The following DCAF12 variants were observed in gnomAD, a reference collection of about 807,000 sequenced individuals.
DCAF12 encodes the protein DDB1 and CUL4 associated factor 12.
Under a neutral mutation model 52.8 loss-of-function variants are expected in DCAF12, and 28 were observed. That is an observed-to-expected ratio of 0.53 (90% confidence interval 0.39 to 0.73). DCAF12 has a LOEUF of 0.73. DCAF12 is among the 30% of genes least tolerant of loss of function. The pLI is 0.00. For missense variants in DCAF12, 425 were observed against 552.2 expected (o/e 0.77, Z 2.31); for synonymous variants, 196 against 215.5 (o/e 0.91, Z 0.79).
intron 6 of DCAF12, among the ~76,000 whole-genome samples, chr9:34,094,336 G>A (rs1247361657): frequency 6.6e-6 from 1 of 151,834 alleles, no homozygotes; most frequent in African/African-American, 2.4e-5. Context: ...AACCTGGGAG[G>A]CGGAGGTTGC....
intron 4 of DCAF12, among the ~76,000 whole-genome samples, chr9:34,098,855 A>G (rs887390136): frequency 3.4e-5 from 5 of 147,614 alleles, no homozygotes; most frequent in Non-Finnish European, 6.0e-5. Context: ...TGCAACCTCC[A>G]TCTCCTGGGT....
At chr9:34,120,302 C>T (rs903738561) in intron 2 of DCAF12, among the ~76,000 whole-genome samples, 3 of 150,348 alleles carry the variant, frequency 2.0e-5, no homozygotes, top group Non-Finnish European at 4.4e-5. Context: ...ATCCCTTGGG[C>T]CCAGGAATTT....
intron 7 of DCAF12, among the ~76,000 whole-genome samples, chr9:34,091,875 G>A (rs1828650587): frequency 6.6e-6 from 1 of 152,134 alleles, no homozygotes; most frequent in African/African-American, 2.4e-5. Context: ...CTGGTCCCTA[G>A]CTGTTCCCCC....
intron 4 of DCAF12, among the ~76,000 whole-genome samples, chr9:34,099,964 G>A (rs1336194724): frequency 6.6e-6 from 1 of 152,156 alleles, no homozygotes; most frequent in African/African-American, 2.4e-5. Flanking sequence ...TTAGTGGGCA[G>A]TAGGGCTTGG....
At chr9:34,095,115 G>GC (rs1401589642) in intron 6 of DCAF12, among the ~76,000 whole-genome samples, 5 of 150,814 alleles carry the variant, frequency 3.3e-5, no homozygotes, top group Non-Finnish European at 7.4e-5. Context: ...TTGCTCTGTT[G>GC]CCAGGCTGGA....
At chr9:34,119,636 A>C (rs560667967) in intron 2 of DCAF12, among the ~76,000 whole-genome samples, 2 of 151,860 alleles carry the variant, frequency 1.3e-5, no homozygotes, top group East Asian at 3.9e-4. Flanking sequence ...TCAGGTGTGA[A>C]CATTTTAGGC....
chr9:34,106,641 C>A, intron 3 of DCAF12, 147 bp from the exon 4 acceptor site: 1 of 623,902 alleles, frequency 1.6e-6, no homozygotes, highest in Non-Finnish European at 2.8e-6. Flanking sequence ...GGTCTCAACC[C>A]ACAGAGAATG....
chr9:34,110,188 G>A (rs1175230458), intron 2 of DCAF12, among the ~76,000 whole-genome samples: 1 of 151,990 alleles, frequency 6.6e-6, no homozygotes, highest in Non-Finnish European at 1.5e-5. Flanking sequence ...TGCCTAACTG[G>A]CATCATTGCT....
chr9:34,099,172 ATTC>A (rs1828788182), intron 4 of DCAF12, among the ~76,000 whole-genome samples: 1 of 151,656 alleles, frequency 6.6e-6, no homozygotes, highest in African/African-American at 2.4e-5. Flanking sequence ...GGTTCTAGCG[ATTC>A]TCCTGCCTCA....
At chr9:34,113,950 TAC>T (rs1829045730) in intron 2 of DCAF12, among the ~76,000 whole-genome samples, 1 of 151,272 alleles carries the variant, frequency 6.6e-6, no homozygotes, top group African/African-American at 2.4e-5. Context: ...CTACTAAAAA[TAC>T]AAAAAATTAG....
At position 34,098,466 on chromosome 9, in the gene DCAF12, G is replaced by A. The variant is rs777404162; in HGVS notation, c.653C>T (p.Thr218Ile). ...GLWEVTDDVL[T>I]KSDARHNVSR... Reference sequence around the variant, plus strand: ...CACATTGTGTCTCGCATCACTTTTGGTCAAAACATCATCTGTCACCTCCCA... The same window carrying A: ...CACATTGTGTCTCGCATCACTTTTGATCAAAACATCATCTGTCACCTCCCA... Residue 218 changes from threonine to isoleucine, a missense_variant, in exon 5 of 9, where the codon ACC becomes ATC. Around this residue, in one of 3 missense-constraint regions of DCAF12, gnomAD observed 328 missense variants for 444.4 expected, o/e 0.74. Coordinates refer to ENST00000361264, the MANE Select transcript of DCAF12 (RefSeq NM_015397.4). 3.1e-6 allele frequency: 5 copies of A among 1,614,122 alleles called. No individual in the cohort carries two copies. The Admixed American group carries it at 6.7e-5, about 22-fold the overall frequency.
At chr9:34,100,994 G>C (rs1828819427) in intron 4 of DCAF12, among the ~76,000 whole-genome samples, 1 of 150,930 alleles carries the variant, frequency 6.6e-6, no homozygotes, top group Admixed American at 6.6e-5. Context: ...TTCAATTTCA[G>C]GGAGACCCAT....
At position 34,086,636 on chromosome 9, in the gene DCAF12, T is replaced by C. The variant is rs1051187320; in HGVS notation, c.*1714A>G. On this transcript the variant is annotated 3_prime_UTR_variant, in exon 9 of 9. Coordinates refer to ENST00000361264, the MANE Select transcript of DCAF12 (RefSeq NM_015397.4). ...AAAAAAAATTAAGACAATTAAAAGATCTATAGCATCCAGCATTTTGCTTAA... is the reference window on the plus strand; with the variant it reads ...AAAAAAAATTAAGACAATTAAAAGACCTATAGCATCCAGCATTTTGCTTAA... 3 of 152,092 alleles carry C rather than the reference T, an allele frequency of 2.0e-5. No homozygotes were observed. Among genetic ancestry groups the C allele is most frequent in the Non-Finnish European group, 4.4e-5 (3 of 68,020 alleles). 9.4% of individuals were successfully genotyped at this position (152,092 alleles called of 1,614,324 possible).
At chr9:34,103,549 G>C (rs1226595537) in intron 4 of DCAF12, among the ~76,000 whole-genome samples, 1 of 151,890 alleles carries the variant, frequency 6.6e-6, no homozygotes, top group Non-Finnish European at 1.5e-5. Flanking sequence ...CCATAAAACA[G>C]AGTATCAAGA....
chr9:34,089,518 T>C lies in DCAF12; in HGVS notation c.1097A>G (p.Asp366Gly). ...TTCCAGAAATCTCTGAGCTCGGATGTCATAGAACAGCAGGGAGCCCTGCCC... is the reference window on the plus strand; with the variant it reads ...TTCCAGAAATCTCTGAGCTCGGATGCCATAGAACAGCAGGGAGCCCTGCCC... Reference protein sequence around the residue: ...GTGQGSLLFYDIRAQRFLEER... With the variant: ...GTGQGSLLFYGIRAQRFLEER... The change falls in exon 8 of 9, where the codon GAC becomes GGC. Residue 366 changes from aspartate (D) to glycine (G), a missense_variant. Coordinates refer to ENST00000361264, the MANE Select transcript of DCAF12 (RefSeq NM_015397.4). 6.2e-7 allele frequency: 1 copy of C among 1,614,170 alleles called. No homozygotes were observed. Among genetic ancestry groups the C allele is most frequent in the Non-Finnish European group, 8.5e-7 (1 of 1,180,034 alleles).
intron 2 of DCAF12, chr9:34,109,414 C>G (rs1210157284): frequency 5.0e-6 from 1 of 198,688 alleles, no homozygotes; most frequent in Non-Finnish European, 1.1e-5. Context: ...ATCTTTAGCC[C>G]CCAGGGTGGG....
At chr9:34,099,379 G>A (rs1377324919) in intron 4 of DCAF12, among the ~76,000 whole-genome samples, 3 of 151,726 alleles carry the variant, frequency 2.0e-5, no homozygotes, top group South Asian at 2.1e-4. Flanking sequence ...CTACAGGCGC[G>A]TGCCACCACG....
rs949577445 is a variant in DCAF12 at position 34,088,370 on chromosome 9, A to G, written c.1342T>C (p.Tyr448His). The change falls in exon 9 of 9, where the codon TAT becomes CAT. Residue 448 changes from tyrosine to histidine, a missense_variant. Around this residue, in one of 3 missense-constraint regions of DCAF12, gnomAD observed 8 missense variants for 22.9 expected, o/e 0.35. Transcript: ENST00000361264. ...GPLPSGLHGN[Y>H]AGLWS ...TGTCATTAACTCCAGAGCCCAGCAT[A>G]GTTTCCATGGAGCCCTGAAGGGAGG... is the stretch of plus-strand genomic sequence containing the variant. 6.2e-7 allele frequency: 1 copy of G among 1,604,284 alleles called. No individual in the cohort carries two copies. The highest frequency in any genetic ancestry group is 8.5e-7 in the Non-Finnish European group (1 of 1,175,580).
intron 2 of DCAF12, chr9:34,109,750 C>A: frequency 3.5e-6 from 1 of 287,318 alleles, no homozygotes; most frequent in East Asian, 9.7e-5. Flanking sequence ...CCTGGAAGCT[C>A]AGGCAGGTGG....
Sources: allele counts gnomAD v4.1 joint callset (sites outside exome capture counted in the v4.1 genomes callset), GRCh38; gene constraint gnomAD v4.1.1; regional missense constraint gnomAD v4.1.1; transcripts MANE v1.5; gene names NCBI Gene and HGNC (gene_info 2026-07-23, HGNC 2026-07-21).